ARHGEF10L: variants seen among roughly 807,000 people sequenced by gnomAD.
ARHGEF10L encodes Rho guanine nucleotide exchange factor 10 like.
ARHGEF10L carries 69 observed loss-of-function variants against 141.2 expected under a neutral mutation model. The observed-to-expected ratio is 0.49, with a 90% confidence interval of 0.40 to 0.60. The LOEUF is 0.60. ARHGEF10L is among the 20% of genes least tolerant of loss of function. ARHGEF10L has a pLI of 0.00. For synonymous variants in ARHGEF10L, 711 were observed against 718.5 expected, an observed-to-expected ratio of 0.99 and a Z score of 0.17; for missense variants, 1,482 against 1,734.3, an observed-to-expected ratio of 0.85 and a Z score of 2.58.
At position 17,635,015 on chromosome 1, in the gene ARHGEF10L, G is replaced by T; in HGVS notation, c.1926G>T (p.Gln642His). Residue 642 changes from glutamine to histidine, a missense_variant and splice_region_variant, in exon 18 of 29, where the codon CAG becomes CAT. By Grantham distance (24) the Gln-to-His change is conservative. Around this residue, in one of 3 missense-constraint regions of ARHGEF10L, gnomAD observed 858 missense variants for 966.3 expected, o/e 0.89. Transcript: ENST00000361221. ...AKKASASGQA[Q>H]NKVYLGPPRL... ...AGGCCTCTGCCTCAGGGCAGGCTCA[G>T]AGTGAGTACCCCCTCTCTGTGCCCT... The T allele has an allele frequency of 6.2e-7, 1 of 1,613,992 alleles. No homozygotes were observed. Among genetic ancestry groups the T allele is most frequent in the South Asian group, 1.1e-5 (1 of 91,076 alleles).
intron 4 of ARHGEF10L, among the ~76,000 whole-genome samples, chr1:17,596,053 C>A (rs1446102589): frequency 6.6e-6 from 1 of 152,196 alleles, no homozygotes; most frequent in Non-Finnish European, 1.5e-5. Context: ...CTTCTTCCCC[C>A]CTCACGCCTG....
chr1:17,621,966 G>C lies in ARHGEF10L; in HGVS notation c.1020+25G>C. 6.2e-7 allele frequency: 1 copy of C among 1,613,308 alleles called. No individual in the cohort carries two copies. ...GGTGCGACTTCAGGGAGTTCTCAAG[G>C]GTCTCTGGGGAGAAGCAGGGAGGGC... On this transcript the variant is annotated intron_variant, in intron 11 of 28. Coordinates refer to ENST00000361221, the MANE Select transcript of ARHGEF10L (RefSeq NM_018125.4). This position sits in a 1 kb window ranked among gnomAD's most constrained non-coding sequence, Gnocchi z 4.1.
intron 27 of ARHGEF10L, chr1:17,694,411 G>A (rs149926301): frequency 8.1e-5 from 13 of 160,714 alleles, no homozygotes; most frequent in African/African-American, 9.6e-5. Flanking sequence ...CTCAGCCACC[G>A]TGCTGGGCAG....
rs752482320 is a variant in ARHGEF10L at position 17,696,989 on chromosome 1, GGCAGGCACACGA to G, written c.3452_3463del (p.Gln1151_Glu1154del). Reference sequence around the variant, plus strand: ...CGGGCTGAGGAGGACAAGCCAGACGGGCAGGCACACGAGCCCATGCCCGATAGCCACGTGGGC... The same window carrying G: ...CGGGCTGAGGAGGACAAGCCAGACGGGCCCATGCCCGATAGCCACGTGGGC... On this transcript the variant is annotated inframe_deletion, in exon 29 of 29. Transcript: ENST00000361221. The G allele has an allele frequency of 3.5e-4, 557 of 1,611,614 alleles. No homozygotes were observed. The highest frequency in any genetic ancestry group is 4.3e-4 in the Non-Finnish European group (512 of 1,179,428).
rs575873666 is a variant in ARHGEF10L, at chr1:17,678,330, T to A, written c.3010-9243T>A. On this transcript the variant is annotated intron_variant, in intron 26 of 28. Coordinates refer to ENST00000361221, the MANE Select transcript of ARHGEF10L (RefSeq NM_018125.4). ...ACAAAAGGAAATTAAATAGGACTAA[T>A]GAGGAGAATATCAATAGCCCATACT... Among the ~76,000 whole-genome samples the A allele has an allele frequency of 4.0e-5, 6 of 151,728 alleles. No homozygotes were observed. In the South Asian group the frequency reaches 1.2e-3, roughly 31 times the overall value.
At position 17,587,284 on chromosome 1, in the gene ARHGEF10L, T is replaced by TC. The variant is rs1417633762; in HGVS notation, c.38-170dup. On this transcript the variant is annotated intron_variant, in intron 2 of 28. Transcript: ENST00000361221. ...TGCTTAGAGACCTAACCCAACCCCC[T>TC]CCCCCCGGCCTTACCAGCACTGTAG... 3.3e-5 allele frequency among the ~76,000 whole-genome samples: 5 copies of TC among 151,456 alleles called. No homozygotes were observed. In the East Asian group the frequency reaches 7.8e-4, roughly 24 times the overall value.
intron 7 of ARHGEF10L, among the ~76,000 whole-genome samples, chr1:17,610,087 A>T (rs2059466324): frequency 6.6e-6 from 1 of 152,108 alleles, no homozygotes. Context: ...TGTCTCTCAG[A>T]GGGAAGGAGG....
intron 22 of ARHGEF10L, among the ~76,000 whole-genome samples, chr1:17,650,385 G>A (rs919634186): frequency 6.6e-6 from 1 of 152,196 alleles, no homozygotes; most frequent in Non-Finnish European, 1.5e-5. Context: ...CTGCACTCCA[G>A]CCTAGGGGAC....
At chr1:17,614,729 T>A (rs1030344348) in intron 8 of ARHGEF10L, among the ~76,000 whole-genome samples, 2 of 152,184 alleles carry the variant, frequency 1.3e-5, no homozygotes, top group African/African-American at 4.8e-5. Flanking sequence ...TCTAGGATTG[T>A]CCCGTAGAAA....
the ARHGEF10L span, among the ~76,000 whole-genome samples, chr1:17,527,246 C>T: frequency 2.6e-5 from 4 of 152,226 alleles, no homozygotes; most frequent in African/African-American, 9.6e-5. Flanking sequence ...GATCTCACCC[C>T]AGAACCGGGT....
intron 26 of ARHGEF10L, among the ~76,000 whole-genome samples, chr1:17,670,373 G>A (rs925012217): frequency 6.6e-6 from 1 of 152,342 alleles, no homozygotes; most frequent in Non-Finnish European, 1.5e-5. Flanking sequence ...TAATAATGTC[G>A]CTCACCGGGG....
chr1:17,658,305 TGAG>T (rs1461507647), intron 25 of ARHGEF10L, among the ~76,000 whole-genome samples: 2 of 152,160 alleles, frequency 1.3e-5, no homozygotes, highest in Non-Finnish European at 2.9e-5. Flanking sequence ...AACATACAGA[TGAG>T]GAGGCACAGT....
At chr1:17,696,712 C>T (rs924409533) in intron 28 of ARHGEF10L, 136 bp from the exon 29 acceptor site, 64 of 920,136 alleles carry the variant, frequency 7.0e-5, no homozygotes, top group Non-Finnish European at 9.2e-5. Context: ...CTGTGGCCTT[C>T]GGGGGAGGTG....
chr1:17,520,315 A>G, the ARHGEF10L span, among the ~76,000 whole-genome samples: 1 of 152,136 alleles, frequency 6.6e-6, no homozygotes, highest in Non-Finnish European at 1.5e-5. Flanking sequence ...GTGTGGGCCC[A>G]GCCCGGGGAG....
At position 17,697,759 on chromosome 1, in the gene ARHGEF10L, T is replaced by C. The variant is rs1187828279; in HGVS notation, c.*379T>C. The C allele has an allele frequency of 2.2e-6, 1 of 451,818 alleles. No homozygotes were observed. The highest frequency in any genetic ancestry group is 2.7e-5 in the Admixed American group (1 of 37,430). 28.0% of individuals were successfully genotyped at this position (451,818 alleles called of 1,614,324 possible). The stretch of plus-strand genomic sequence containing the variant: ...GTGTGCGAGTGTGTGGGCTGGTGTG[T>C]GAATATCTATAAATAAGTATATATG... On this transcript the variant is annotated 3_prime_UTR_variant, in exon 29 of 29. Transcript: ENST00000361221. The surrounding 1 kb of genome is among the most constrained non-coding windows in gnomAD (Gnocchi z 4.8).
chr1:17,596,141 G>C (rs1296742987), intron 4 of ARHGEF10L, among the ~76,000 whole-genome samples: 1 of 152,222 alleles, frequency 6.6e-6, no homozygotes, highest in Non-Finnish European at 1.5e-5. Context: ...AGAGTCTCTG[G>C]GGCGGGGGCC....
At chr1:17,531,214 T>C in the ARHGEF10L span, among the ~76,000 whole-genome samples, 1 of 152,026 alleles carries the variant, frequency 6.6e-6, no homozygotes, top group Non-Finnish European at 1.5e-5. Context: ...AGGGTGAATG[T>C]GGGATACAGT....
chr1:17,601,049 CAAAAAAA>C, intron 4 of ARHGEF10L, among the ~76,000 whole-genome samples: 1 of 51,176 alleles, frequency 2.0e-5, no homozygotes, highest in Non-Finnish European at 4.3e-5. Flanking sequence ...GGCTCTGTCT[CAAAAAAA>C]AAAAAAAAAA....
chr1:17,588,658 T>C (rs1051763727), intron 4 of ARHGEF10L, among the ~76,000 whole-genome samples, 179 bp downstream of exon 4: 1 of 151,992 alleles, frequency 6.6e-6, no homozygotes, highest in Non-Finnish European at 1.5e-5. Flanking sequence ...CTCATGGTAC[T>C]TTTTCCTTTA....
Sources: gnomAD v4.1 joint callset for allele counts (sites outside exome capture counted in the v4.1 genomes callset) on GRCh38, gnomAD v4.1.1 for gene constraint, gnomAD v4.1.1 regional missense constraint, Gnocchi (gnomAD v3.1) non-coding constraint, MANE v1.5 for transcripts, NCBI Gene and HGNC (gene_info 2026-07-23, HGNC 2026-07-21) for gene names.